The following STK31 variants were observed in gnomAD, a reference collection of about 807,000 sequenced individuals.
The protein encoded by STK31 is serine/threonine kinase 31.
STK31 carries 89 observed loss-of-function variants against 129.7 expected under a neutral mutation model. The ratio of observed to expected loss-of-function variants is 0.69; its 90% CI spans 0.58 to 0.82. STK31 has a LOEUF of 0.82. Among genes scored for constraint, STK31 ranks in the 40% least tolerant of loss-of-function variants. STK31 has a pLI of 0.00. For synonymous variants in STK31, 448 were observed against 395.3 expected, an observed-to-expected ratio of 1.13 and a Z score of -1.58; for missense variants, 1,187 against 1,176.4, an observed-to-expected ratio of 1.01 and a Z score of -0.13.
At position 23,717,476 on chromosome 7, in the gene STK31, TCTAG is replaced by T. The variant is rs1562543772; in HGVS notation, c.151-4_151-1del. The T allele has an allele frequency of 6.3e-7, 1 of 1,588,036 alleles. No individual in the cohort carries two copies. ...TGTATCTTATACTATATCTAATCTTTCTAGAGTATCAATAGAAATAAGGATATCA... is the reference window on the plus strand; with the variant it reads ...TGTATCTTATACTATATCTAATCTTTAGTATCAATAGAAATAAGGATATCA... On this transcript the variant is annotated splice_acceptor_variant and splice_polypyrimidine_tract_variant and intron_variant, in intron 3 of 23. Coordinates refer to ENST00000355870, the MANE Select transcript of STK31 (RefSeq NM_031414.5). LOFTEE classifies it high-confidence loss of function.
Position 23,786,841 on chromosome 7 carries a change from G to C in STK31, c.2404G>C (p.Asp802His). 2.5e-6 allele frequency: 4 copies of C among 1,612,982 alleles called. No individual in the cohort carries two copies. The highest frequency in any genetic ancestry group is 2.2e-5 in the South Asian group (2 of 90,712). The change falls in exon 20 of 24, where the codon GAT becomes CAT. Residue 802 changes from aspartate to histidine, a missense_variant. Asp to His is a moderately conservative substitution (Grantham distance 81). This residue lies in a region of STK31 where 975 missense variants were observed against 934.9 expected (regional missense o/e 1.04). Transcript: ENST00000355870. ...PLIFLFLCKS[D>H]PMAYLMVPYY... ...CATTCTCTGTTTTGCTTCTTAGTCT[G>C]ATCCTATGGCTTATCTGATGGTCCC...
At chr7:23,786,415 T>G in intron 18 of STK31, 93 bp from the exon 19 acceptor site, 1 of 1,255,738 alleles carries the variant, frequency 8.0e-7, no homozygotes, top group Non-Finnish European at 1.0e-6. Flanking sequence ...TTGATTTAAC[T>G]TAAAATAATG....
At chr7:23,725,787 G>C (rs1025819114) in intron 4 of STK31, 1 of 152,166 alleles carries the variant, frequency 6.6e-6, no homozygotes, top group Non-Finnish European at 1.5e-5. Context: ...TACCAATTAT[G>C]TCTTCAGACA....
intron 14 of STK31, 33 bp downstream of exon 14, chr7:23,771,157 A>C (rs1410535224): frequency 6.0e-6 from 9 of 1,501,368 alleles, no homozygotes; most frequent in Non-Finnish European, 8.0e-6. Flanking sequence ...TGATCTTATA[A>C]ATTGATGATT....
chr7:23,748,038 C>T (rs1482918329), intron 8 of STK31, among the ~76,000 whole-genome samples: 2 of 152,182 alleles, frequency 1.3e-5, no homozygotes, highest in Non-Finnish European at 2.9e-5. Flanking sequence ...AAGAAGCAAA[C>T]TTAGATTATT....
rs937183086 is a variant in STK31, at chr7:23,832,456, G to C, written c.*90G>C. ...ATCTAGAAATGTTCTGGGACTAGTTGAGTTGTATCTTTAGTATTCAGGTTG... is the reference window on the plus strand; with the variant it reads ...ATCTAGAAATGTTCTGGGACTAGTTCAGTTGTATCTTTAGTATTCAGGTTG... On this transcript the variant is annotated 3_prime_UTR_variant, in exon 24 of 24. Transcript: ENST00000355870. 11 of 909,992 alleles carry C rather than the reference G, an allele frequency of 1.2e-5. No individual in the cohort carries two copies. Among genetic ancestry groups the C allele is most frequent in the Non-Finnish European group, 1.7e-5 (10 of 589,038 alleles). 56.4% of individuals were successfully genotyped at this position (909,992 alleles called of 1,614,324 possible).
At chr7:23,811,399 G>T in intron 22 of STK31, 2 of 335,900 alleles carry the variant, frequency 6.0e-6, no homozygotes, top group Admixed American at 3.5e-5. Flanking sequence ...ACATCTTGTA[G>T]GCTTCTTTTA....
intron 15 of STK31, among the ~76,000 whole-genome samples, chr7:23,773,328 T>G (rs1472824391): frequency 6.6e-6 from 1 of 152,188 alleles, no homozygotes; most frequent in Non-Finnish European, 1.5e-5. Context: ...TTGCTGAGAC[T>G]GATGGTTTCC....
intron 10 of STK31, among the ~76,000 whole-genome samples, chr7:23,754,850 T>C (rs773950061): frequency 1.3e-5 from 2 of 152,242 alleles, no homozygotes; most frequent in East Asian, 1.9e-4. Context: ...TATGGCTGCA[T>C]AGTATTCCAT....
At chr7:23,736,069 T>C (rs960912264) in intron 7 of STK31, among the ~76,000 whole-genome samples, 173 bp downstream of exon 7, 2 of 152,238 alleles carry the variant, frequency 1.3e-5, no homozygotes. Flanking sequence ...GCAGGGATAT[T>C]TTCATTAAAA....
intron 6 of STK31, among the ~76,000 whole-genome samples, chr7:23,733,637 T>C (rs977523733): frequency 1.3e-5 from 2 of 151,738 alleles, no homozygotes; most frequent in Admixed American, 1.3e-4. Context: ...TGAAACCCCA[T>C]CTCTACTACA....
chr7:23,754,196 C>G, intron 9 of STK31, 119 bp from the exon 10 acceptor site: 1 of 843,600 alleles, frequency 1.2e-6, no homozygotes, highest in East Asian at 2.9e-5. Flanking sequence ...TAAAAGGTAC[C>G]CCTTCAAAGC....
intron 4 of STK31, among the ~76,000 whole-genome samples, chr7:23,723,656 T>C (rs1021354449): frequency 1.3e-5 from 2 of 152,180 alleles, no homozygotes; most frequent in Non-Finnish European, 2.9e-5. Context: ...TCTGCCACCA[T>C]GTAGAAGGGT....
At chr7:23,811,414 GC>G in intron 22 of STK31, 1 of 333,214 alleles carries the variant, frequency 3.0e-6, no homozygotes. Flanking sequence ...CTTTTATGAA[GC>G]CAGCTTGCTG....
chr7:23,744,711 A>C (rs1788245690), intron 8 of STK31, among the ~76,000 whole-genome samples: 1 of 152,100 alleles, frequency 6.6e-6, no homozygotes, highest in African/African-American at 2.4e-5. Context: ...TTGGATGTGA[A>C]TAGTCAGTGG....
intron 22 of STK31, among the ~76,000 whole-genome samples, chr7:23,799,215 A>G (rs1162244513): frequency 6.6e-6 from 1 of 152,148 alleles, no homozygotes; most frequent in Non-Finnish European, 1.5e-5. Context: ...GCCACCATTA[A>G]CTTTCTTCAC....
At position 23,769,833 on chromosome 7, in the gene STK31, A is replaced by G. The variant is rs1051137537; in HGVS notation, c.1713+77A>G. The G allele has an allele frequency of 6.3e-5, 57 of 902,974 alleles. 1 individual carries two copies. The highest frequency in any genetic ancestry group is 9.2e-5 in the Non-Finnish European group (54 of 589,012). 55.9% of individuals were successfully genotyped at this position (902,974 alleles called of 1,614,324 possible). A position where few individuals can be genotyped will look rare whatever the true frequency, so the allele number is the denominator to read the frequency against. On this transcript the variant is annotated intron_variant, in intron 13 of 23. Transcript: ENST00000355870. ...TTTCATGGTTAGAAAGTATTAACCA[A>G]TAATAGAGTTTTTCTTGCTAGTTAG...
At chr7:23,822,249 A>T (rs1163228321) in intron 23 of STK31, among the ~76,000 whole-genome samples, 1 of 152,176 alleles carries the variant, frequency 6.6e-6, no homozygotes, top group Non-Finnish European at 1.5e-5. Context: ...TAACAATACT[A>T]ATCTTCTGAT....
chr7:23,829,940 G>A (rs995688914), intron 23 of STK31, among the ~76,000 whole-genome samples: 3 of 151,942 alleles, frequency 2.0e-5, no homozygotes, highest in Admixed American at 1.3e-4. Flanking sequence ...TAGTCTTTAT[G>A]TTTTGTATTT....
Sources: gnomAD v4.1 joint callset for allele counts (sites outside exome capture counted in the v4.1 genomes callset) on GRCh38, gnomAD v4.1.1 for gene constraint, gnomAD v4.1.1 regional missense constraint, MANE v1.5 for transcripts, NCBI Gene and HGNC (gene_info 2026-07-23, HGNC 2026-07-21) for gene names.